CSGALNACT1: variants seen among roughly 807,000 people sequenced by gnomAD.
CSGALNACT1 encodes the protein chondroitin sulfate N-acetylgalactosaminyltransferase 1, also known as beta4GalNAcT-1.
Under a neutral mutation model 51.0 loss-of-function variants are expected in CSGALNACT1, and 52 were observed. The ratio of observed to expected loss-of-function variants is 1.02; its 90% CI spans 0.82 to 1.29. The LOEUF (loss-of-function observed/expected upper bound fraction) is 1.29. Ranked by LOEUF, CSGALNACT1 falls within the 50% of genes most tolerant of loss-of-function variation. The pLI is 0.00. For missense variants in CSGALNACT1, 935 were observed against 679.2 expected, an observed-to-expected ratio of 1.38 and a Z score of -4.19; for synonymous variants, 341 against 254.4, an observed-to-expected ratio of 1.34 and a Z score of -3.24.
intron 6 of CSGALNACT1, among the ~76,000 whole-genome samples, chr8:19,425,346 CACAA>C (rs1422332741): frequency 6.6e-6 from 1 of 152,140 alleles, no homozygotes; most frequent in African/African-American, 2.4e-5. Flanking sequence ...ATCTCAAAAA[CACAA>C]ACAAACCAAA....
At chr8:19,728,020 A>T (rs995193761) in intron 1 of CSGALNACT1, among the ~76,000 whole-genome samples, 1 of 152,152 alleles carries the variant, frequency 6.6e-6, no homozygotes, top group Non-Finnish European at 1.5e-5. Context: ...TCTACGCGCG[A>T]TGCTCTGAGA....
intron 3 of CSGALNACT1, among the ~76,000 whole-genome samples, chr8:19,513,276 C>G (rs1260961786): frequency 2.0e-5 from 3 of 151,706 alleles, no homozygotes; most frequent in African/African-American, 7.3e-5. Context: ...GAAAAGAGGA[C>G]AGCAAAGGTC....
At chr8:19,625,514 C>A (rs1364706600) in intron 1 of CSGALNACT1, among the ~76,000 whole-genome samples, 4 of 152,134 alleles carry the variant, frequency 2.6e-5, no homozygotes, top group Non-Finnish European at 5.9e-5. Context: ...AAAGGTGGCC[C>A]ACAGCTCACT....
exon 4 of CSGALNACT1, chr8:19,505,258 T>G: frequency 6.2e-7 from 1 of 1,614,184 alleles, no homozygotes; most frequent in East Asian, 2.2e-5. Flanking sequence ...TCTGCAGGAC[T>G]GTTCAGGGTC....
At chr8:19,558,093 TC>T (rs2039873667) in intron 3 of CSGALNACT1, among the ~76,000 whole-genome samples, 1 of 152,244 alleles carries the variant, frequency 6.6e-6, no homozygotes, top group Non-Finnish European at 1.5e-5. Context: ...TGCTTTTGTC[TC>T]ATCTCATTCT....
Position 19,420,633 on chromosome 8 carries a change from G to C in CSGALNACT1, c.954-115C>G. The C allele has an allele frequency of 2.7e-6, 3 of 1,100,800 alleles. No homozygotes were observed. The South Asian group carries it at 3.8e-5, about 14-fold the overall frequency. 68.2% of individuals were successfully genotyped at this position (1,100,800 alleles called of 1,614,324 possible). A position where few individuals can be genotyped will look rare whatever the true frequency, so the allele number is the denominator to read the frequency against. ...TTGACCCATTTCTTTTGTAACCTGAGGGCACTGGGACTCCCCAAGAAGTTA... is the reference window on the plus strand; with the variant it reads ...TTGACCCATTTCTTTTGTAACCTGACGGCACTGGGACTCCCCAAGAAGTTA... On this transcript the variant is annotated intron_variant, in intron 6 of 9. Coordinates refer to ENST00000454498, the Ensembl canonical transcript of CSGALNACT1.
intron 1 of CSGALNACT1, among the ~76,000 whole-genome samples, chr8:19,750,428 A>G (rs1295093536): frequency 1.3e-5 from 2 of 152,202 alleles, no homozygotes; most frequent in African/African-American, 2.4e-5. Context: ...GCAGCGGGGA[A>G]GAGGGAAGGG....
intron 1 of CSGALNACT1, among the ~76,000 whole-genome samples, chr8:19,695,387 T>C (rs2061534982): frequency 6.6e-6 from 1 of 152,164 alleles, no homozygotes; most frequent in Non-Finnish European, 1.5e-5. Flanking sequence ...TCCTGGGTCT[T>C]ATCTCTACTC....
intron 6 of CSGALNACT1, among the ~76,000 whole-genome samples, chr8:19,421,516 T>C (rs1309523047): frequency 1.3e-5 from 2 of 152,194 alleles, no homozygotes; most frequent in Non-Finnish European, 2.9e-5. Context: ...ACACCCTTCT[T>C]TTCCTAATGG....
At chr8:19,625,381 T>C (rs1344183956) in intron 1 of CSGALNACT1, among the ~76,000 whole-genome samples, 1 of 152,230 alleles carries the variant, frequency 6.6e-6, no homozygotes, top group Non-Finnish European at 1.5e-5. Flanking sequence ...ATTCTCCTCA[T>C]TTTATACATG....
chr8:19,463,156 CT>C (rs1563538390), intron 4 of CSGALNACT1, among the ~76,000 whole-genome samples: 3 of 45,440 alleles, frequency 6.6e-5, no homozygotes, highest in South Asian at 1.1e-3. Flanking sequence ...TGATTTCATT[CT>C]TTTTTTCATG....
At chr8:19,573,616 G>A (rs1349416961) in intron 3 of CSGALNACT1, among the ~76,000 whole-genome samples, 1 of 152,058 alleles carries the variant, frequency 6.6e-6, no homozygotes, top group Non-Finnish European at 1.5e-5. Context: ...GGTAATTTTT[G>A]TATTTTTAGT....
intron 1 of CSGALNACT1, among the ~76,000 whole-genome samples, chr8:19,640,070 C>T (rs1158273524): frequency 6.6e-6 from 1 of 151,724 alleles, no homozygotes; most frequent in East Asian, 1.9e-4. Flanking sequence ...AACGATCCCA[C>T]CTGCTGATGA....
At chr8:19,495,733 C>T (rs933194650) in intron 4 of CSGALNACT1, among the ~76,000 whole-genome samples, 4 of 152,196 alleles carry the variant, frequency 2.6e-5, no homozygotes, top group African/African-American at 9.7e-5. Flanking sequence ...GTGTAGCCTC[C>T]TCAGGGTTTA....
upstream of CSGALNACT1, among the ~76,000 whole-genome samples, chr8:19,686,856 T>C (rs547069013): frequency 6.6e-6 from 1 of 152,302 alleles, no homozygotes; most frequent in Non-Finnish European, 1.5e-5. Context: ...TCATGGTTGC[T>C]GGACTAGAGA....
chr8:19,433,430 G>A (rs1215578697), intron 6 of CSGALNACT1, among the ~76,000 whole-genome samples: 8 of 152,138 alleles, frequency 5.3e-5, no homozygotes, highest in Non-Finnish European at 7.4e-5. Context: ...CTTTTCAAAG[G>A]CCCTATGAAT....
chr8:19,636,964 C>T (rs1045058784), intron 1 of CSGALNACT1, among the ~76,000 whole-genome samples: 1 of 151,602 alleles, frequency 6.6e-6, no homozygotes, highest in Non-Finnish European at 1.5e-5. Context: ...CCAAGGAAGG[C>T]AGATCACCTG....
intron 4 of CSGALNACT1, among the ~76,000 whole-genome samples, chr8:19,490,043 CT>C (rs1563696482): frequency 6.6e-6 from 1 of 152,226 alleles, no homozygotes; most frequent in Non-Finnish European, 1.5e-5. Flanking sequence ...CCTGGACCAT[CT>C]GTTCTTTTGA....
At chr8:19,726,076 T>C (rs1477867551) in intron 1 of CSGALNACT1, among the ~76,000 whole-genome samples, 2 of 152,220 alleles carry the variant, frequency 1.3e-5, no homozygotes, top group East Asian at 3.8e-4. Context: ...GTGGCCATAT[T>C]ACCTAGGGAA....
Sources: gnomAD v4.1 joint callset for allele counts (sites outside exome capture counted in the v4.1 genomes callset) on GRCh38, gnomAD v4.1.1 for gene constraint, MANE v1.5 for transcripts, NCBI Gene and HGNC (gene_info 2026-07-23, HGNC 2026-07-21) for gene names.